NEO1: variants seen among roughly 807,000 people sequenced by gnomAD.
The protein encoded by NEO1 is neogenin 1.
In NEO1, 63 loss-of-function variants were observed where a neutral mutation model predicts 159.7. The observed-to-expected ratio is 0.39, with a 90% CI of 0.32 to 0.49. The LOEUF is 0.49. Among genes scored for constraint, NEO1 ranks in the 20% least tolerant of loss-of-function variants. NEO1 has a pLI of 0.85. For synonymous variants in NEO1, 633 were observed against 662.0 expected, an observed-to-expected ratio of 0.96 and a Z score of 0.67; for missense variants, 1,615 against 1,831.0, an observed-to-expected ratio of 0.88 and a Z score of 2.15.
At chr15:73,152,496 A>G (rs896214312) in intron 5 of NEO1, among the ~76,000 whole-genome samples, 1 of 152,192 alleles carries the variant, frequency 6.6e-6, no homozygotes, top group African/African-American at 2.4e-5. Context: ...ACCTCACCCT[A>G]CACATTTCCT....
At chr15:73,183,484 C>T (rs1457376676) in intron 7 of NEO1, among the ~76,000 whole-genome samples, 1 of 152,088 alleles carries the variant, frequency 6.6e-6, no homozygotes, top group Non-Finnish European at 1.5e-5. Flanking sequence ...CATTTTAGGC[C>T]TCAGGATTCT....
intron 1 of NEO1, among the ~76,000 whole-genome samples, chr15:73,079,995 C>T (rs1289796973): frequency 1.3e-5 from 2 of 152,148 alleles, no homozygotes; most frequent in Non-Finnish European, 2.9e-5. Context: ...ATTGTTTTTT[C>T]TCTCTCTTTT....
intron 8 of NEO1, among the ~76,000 whole-genome samples, chr15:73,238,271 GTTTTTTTTTTTTTTT>G (rs55887721): frequency 2.6e-5 from 1 of 38,848 alleles, no homozygotes; most frequent in Non-Finnish European, 4.3e-5. Context: ...TTTAGTTTGG[GTTTTTTTTTTTTTTT>G]TTTTTTTTTT....
chr15:73,169,280 G>A (rs901540805), intron 5 of NEO1, among the ~76,000 whole-genome samples: 3 of 152,148 alleles, frequency 2.0e-5, no homozygotes, highest in Admixed American at 2.0e-4. Context: ...TTCCTGAAAT[G>A]ATGATGGCAT....
At chr15:73,268,553 T>C (rs979112485) in intron 16 of NEO1, among the ~76,000 whole-genome samples, 3 of 152,236 alleles carry the variant, frequency 2.0e-5, no homozygotes, top group African/African-American at 4.8e-5. Flanking sequence ...TTAGTCCTCA[T>C]TGCACAGGAA....
intron 5 of NEO1, among the ~76,000 whole-genome samples, chr15:73,157,329 T>C (rs1252778690): frequency 6.6e-6 from 1 of 152,232 alleles, no homozygotes; most frequent in Non-Finnish European, 1.5e-5. Flanking sequence ...GCACTGCCAC[T>C]TGTTCCCAGG....
At chr15:73,062,666 T>A (rs1196379862) in intron 1 of NEO1, among the ~76,000 whole-genome samples, 1 of 152,176 alleles carries the variant, frequency 6.6e-6, no homozygotes, top group Non-Finnish European at 1.5e-5. Context: ...ACAATTTTGG[T>A]TTGAAGTGAT....
At chr15:73,060,299 T>C (rs1298748329) in intron 1 of NEO1, among the ~76,000 whole-genome samples, 1 of 152,208 alleles carries the variant, frequency 6.6e-6, no homozygotes, top group Non-Finnish European at 1.5e-5. Flanking sequence ...AGTCTCACTC[T>C]GTTGCCCAGG....
intron 22 of NEO1, 41 bp downstream of exon 22, chr15:73,278,240 T>A: frequency 1.9e-6 from 3 of 1,573,282 alleles, no homozygotes; most frequent in Non-Finnish European, 2.6e-6. Flanking sequence ...ACTATGGACA[T>A]GAAGCACTTT....
chr15:73,103,889 C>G (rs1205318091), intron 1 of NEO1, among the ~76,000 whole-genome samples: 2 of 152,190 alleles, frequency 1.3e-5, no homozygotes, highest in African/African-American at 4.8e-5. Flanking sequence ...GGGTCTCACT[C>G]TGTAGTCCAG....
chr15:73,138,755 C>CAAAAAAAAA (rs11368240), intron 5 of NEO1, among the ~76,000 whole-genome samples: 2 of 109,218 alleles, frequency 1.8e-5, no homozygotes, highest in African/African-American at 3.3e-5. Context: ...GACTCCGTCT[C>CAAAAAAAAA]AAAAAAAAAA....
At chr15:73,159,293 A>G (rs2034002727) in intron 5 of NEO1, among the ~76,000 whole-genome samples, 1 of 152,108 alleles carries the variant, frequency 6.6e-6, no homozygotes, top group Admixed American at 6.5e-5. Flanking sequence ...TTTTTGCTGC[A>G]TTTTGTTTCA....
At chr15:73,168,258 C>T (rs576611162) in intron 5 of NEO1, among the ~76,000 whole-genome samples, 14 of 151,920 alleles carry the variant, frequency 9.2e-5, no homozygotes, top group African/African-American at 2.4e-4. Context: ...GGCACAGTCT[C>T]GGCTCACTGC....
intron 7 of NEO1, among the ~76,000 whole-genome samples, chr15:73,189,538 C>T (rs1191871873): frequency 1.3e-5 from 2 of 151,884 alleles, no homozygotes; most frequent in African/African-American, 2.4e-5. Flanking sequence ...ATCTTCAAAA[C>T]CTTCTTTAAA....
Position 73,138,764 on chromosome 15 carries a change from AAAAAAAAC to A in NEO1, c.1015+2757_1015+2764del, listed in dbSNP as rs1249526230. Among the ~76,000 whole-genome samples the A allele has an allele frequency of 2.5e-4, 33 of 133,294 alleles. No individual in the cohort carries two copies. The South Asian group carries it at 3.1e-3, about 13-fold the overall frequency. The allele number at this position is 133,294 out of a possible 152,430, so 87.4% of individuals were successfully genotyped here. On this transcript the variant is annotated intron_variant, in intron 5 of 28. Transcript: ENST00000261908. ...GAGCGAGACTCCGTCTCAAAAAAAA[AAAAAAAAC>A]AAAAAAACAAAAAAACAAAGGGGGA...
At position 73,107,071 on chromosome 15, in the gene NEO1, C is replaced by T. The variant is rs529689662; in HGVS notation, c.131-9469C>T. Among the ~76,000 whole-genome samples, 3 of 152,276 alleles carry T rather than the reference C, an allele frequency of 2.0e-5. No homozygotes were observed. The South Asian group carries it at 6.2e-4, about 32-fold the overall frequency. On this transcript the variant is annotated intron_variant, in intron 1 of 28. Coordinates refer to ENST00000261908, the MANE Select transcript of NEO1 (RefSeq NM_002499.4). ...AGATTTTTTAGGAGACTTTTAATTT[C>T]AAGCATTCTCGCCCCTTGTTACCAT...
intron 7 of NEO1, among the ~76,000 whole-genome samples, chr15:73,208,541 A>G (rs528595508): frequency 3.3e-5 from 5 of 152,176 alleles, no homozygotes; most frequent in African/African-American, 1.2e-4. Context: ...TTTTTTACCT[A>G]TACTTTGAAC....
chr15:73,094,632 T>A (rs1402229451), intron 1 of NEO1, among the ~76,000 whole-genome samples: 1 of 152,228 alleles, frequency 6.6e-6, no homozygotes, highest in Non-Finnish European at 1.5e-5. Context: ...TAAGTGATAA[T>A]TATCCCCTCT....
chr15:73,251,513 C>T (rs1304660261), intron 11 of NEO1, among the ~76,000 whole-genome samples: 1 of 94,422 alleles, frequency 1.1e-5, no homozygotes, highest in African/African-American at 4.5e-5. Context: ...GAAGCTGTCT[C>T]AAAAAAAAAA....
Sources: gnomAD v4.1 joint callset for allele counts (sites outside exome capture counted in the v4.1 genomes callset) on GRCh38, gnomAD v4.1.1 for gene constraint, MANE v1.5 for transcripts, NCBI Gene and HGNC (gene_info 2026-07-23, HGNC 2026-07-21) for gene names.